The following SLC25A41 variants were observed in gnomAD, a reference collection of about 807,000 sequenced individuals.
SLC25A41 encodes mitochondrial carrier protein SCaMC-3L.
Under a neutral mutation model 34.7 loss-of-function variants are expected in SLC25A41, and 35 were observed. The ratio of observed to expected loss-of-function variants is 1.01; its 90% confidence interval spans 0.77 to 1.34. SLC25A41 has a LOEUF of 1.34. Among genes scored for constraint, SLC25A41 ranks in the 40% most tolerant of loss-of-function variants. SLC25A41 has a pLI of 0.00. For synonymous variants in SLC25A41, 190 were observed against 209.9 expected (o/e 0.91, Z 0.82); for missense variants, 492 against 489.8 (o/e 1.00, Z -0.04).
At chr19:6,429,133 TA>T in intron 4 of SLC25A41, among the ~76,000 whole-genome samples, 1 of 8,778 alleles carries the variant, frequency 1.1e-4, no homozygotes, top group African/African-American at 6.0e-4. Context: ...ATATATGTTA[TA>T]TATATATATA....
chr19:6,430,547 G>A (rs1368826988), intron 2 of SLC25A41: 7 of 387,096 alleles, frequency 1.8e-5, no homozygotes, highest in African/African-American at 2.3e-5. Flanking sequence ...GAGTGCGGTC[G>A]GGGGATCTCG....
chr19:6,431,499 A>G (rs1289324810), intron 2 of SLC25A41, among the ~76,000 whole-genome samples: 2 of 149,110 alleles, frequency 1.3e-5, no homozygotes, highest in East Asian at 2.0e-4. Flanking sequence ...GAGTGCAGTG[A>G]TGCAATCTCG....
chr19:6,433,907 A>T (rs1457905157), upstream of SLC25A41: 2 of 461,408 alleles, frequency 4.3e-6, no homozygotes, highest in Non-Finnish European at 7.6e-6. Context: ...TAAATATGTT[A>T]TCGTTATAAA....
rs202236298 is a variant in SLC25A41, at chr19:6,433,608, G to A, written c.86C>T (p.Ala29Val). 3.0e-4 allele frequency: 483 copies of A among 1,612,266 alleles called. 5 individuals carry two copies. In the African/African-American group the frequency reaches 5.3e-3, roughly 18 times the overall value. Residue 29 changes from alanine (A) to valine (V), a missense_variant, in exon 1 of 7, where the codon GCC becomes GTC. Transcript: ENST00000321510. ...FRRVKTLLIK[A>V]PPPPQPPPPP... Reference sequence around the variant, plus strand: ...AGGCGGAGGTTGGGGGGGAGGCGGGGCTTTGATGAGTAAGGTCTTGACCCT... The same window carrying A: ...AGGCGGAGGTTGGGGGGGAGGCGGGACTTTGATGAGTAAGGTCTTGACCCT...
rs753202653 is a variant in SLC25A41 at position 6,432,176 on chromosome 19, A to G, written c.236T>C (p.Val79Ala). 5.0e-6 allele frequency: 8 copies of G among 1,613,778 alleles called. No individual in the cohort carries two copies. Among genetic ancestry groups the G allele is most frequent in the Non-Finnish European group, 5.9e-6 (7 of 1,179,798 alleles). Residue 79 changes from valine (V) to alanine (A), a missense_variant, in exon 2 of 7, where the codon GTC (valine) becomes GCC (alanine). Transcript: ENST00000321510. ...ATCCACTTCCAGGACTTCCACGGGG[A>G]CCATCAGCTGCTCTCCTGTGTCCAG... The part of the protein sequence containing the change: ...QVLDTGEQLM[V>A]PVEVLEVDNK...
At chr19:6,428,513 A>G (rs1271834814) in intron 4 of SLC25A41, among the ~76,000 whole-genome samples, 1 of 147,806 alleles carries the variant, frequency 6.8e-6, no homozygotes, top group African/African-American at 2.5e-5. Flanking sequence ...TTATATATGT[A>G]TTATTATACA....
chr19:6,432,632 C>T (rs2092291058), intron 1 of SLC25A41, among the ~76,000 whole-genome samples: 1 of 150,790 alleles, frequency 6.6e-6, no homozygotes, highest in African/African-American at 2.4e-5. Context: ...ACTCTATCGC[C>T]CAAGCTGGAG....
rs190117334 is a variant in SLC25A41, at chr19:6,429,144, A to T, written c.624+580T>A. On this transcript the variant is annotated intron_variant, in intron 4 of 6. Transcript: ENST00000321510. ...TTATATATATGTTATATATATATAT[A>T]ATATATATATTATATATATAATATA... is the stretch of plus-strand genomic sequence containing the variant. 6.8e-3 allele frequency among the ~76,000 whole-genome samples: 208 copies of T among 30,696 alleles called. 52 individuals are homozygous for T. The highest frequency in any genetic ancestry group is 0.027 in the Admixed American group (33 of 1,234). The allele number at this position is 30,696 out of a possible 152,430, so 20.1% of individuals were successfully genotyped here. A position where few individuals can be genotyped will look rare whatever the true frequency, so the allele number is the denominator to read the frequency against.
rs777264531 is a variant in SLC25A41 at position 6,426,555 on chromosome 19, A to G, written c.947T>C (p.Val316Ala). ...GCGCATGGTGGGATTTGAGCCCTCCACGGTATCTGCAGGGACACAGGCAAG... is the reference window on the plus strand; with the variant it reads ...GCGCATGGTGGGATTTGAGCCCTCCGCGGTATCTGCAGGGACACAGGCAAG... Reference protein sequence around the residue: ...VRTRMQAQDTVEGSNPTMRGV... With the variant: ...VRTRMQAQDTAEGSNPTMRGV... Residue 316 changes from valine to alanine, a missense_variant, in exon 7 of 7, where the codon GTG becomes GCG. Val to Ala is a moderately conservative substitution (Grantham distance 64, BLOSUM62 0). Coordinates refer to ENST00000321510, the MANE Select transcript of SLC25A41 (RefSeq NM_173637.4). The G allele has an allele frequency of 1.3e-5, 21 of 1,612,640 alleles. No individual in the cohort carries two copies. The South Asian group carries it at 1.8e-4, about 13-fold the overall frequency.
chr19:6,433,461 G>C, intron 1 of SLC25A41, 26 bp downstream of exon 1: 2 of 1,608,724 alleles, frequency 1.2e-6, no homozygotes, highest in Non-Finnish European at 1.7e-6. Context: ...CAGAGGTGCC[G>C]GGACACTGGT....
chr19:6,428,738 G>C (rs1249699009), intron 4 of SLC25A41, among the ~76,000 whole-genome samples: 9 of 143,580 alleles, frequency 6.3e-5, no homozygotes, highest in Admixed American at 2.2e-4. Context: ...TTGAGACAGG[G>C]TCTCCCTCTA....
Position 6,427,143 on chromosome 19 carries a change from G to C in SLC25A41, c.900C>G (p.Ser300Arg), listed in dbSNP as rs2092245729. Reference protein sequence around the residue: ...TLSTTCGQMASYPLTLVRTRM... With the variant: ...TLSTTCGQMARYPLTLVRTRM... The stretch of plus-strand genomic sequence containing the variant: ...TGGTGCGCACCAGAGTCAGTGGGTA[G>C]CTGGCCATCTGGCCACAGGTCGTGG... The change falls in exon 6 of 7, where the codon AGC becomes AGG. Residue 300 changes from serine (S) to arginine (R), a missense_variant. Physicochemically the swap from Ser to Arg is moderately radical, Grantham distance 110 (BLOSUM62 -1). Transcript: ENST00000321510. This position sits in a 1 kb window ranked among gnomAD's most constrained non-coding sequence, Gnocchi z 4.9. The C allele has an allele frequency of 6.2e-7, 1 of 1,609,512 alleles. No individual in the cohort carries two copies. The highest frequency in any genetic ancestry group is 8.5e-7 in the Non-Finnish European group (1 of 1,178,476).
chr19:6,429,438 G>T (rs2092272133), intron 4 of SLC25A41, among the ~76,000 whole-genome samples: 2 of 25,856 alleles, frequency 7.7e-5, no homozygotes, highest in South Asian at 3.2e-3. Context: ...AAAGGAGGAG[G>T]GAAGGAGGAG....
At chr19:6,432,469 C>T (rs1417010670) in intron 1 of SLC25A41, among the ~76,000 whole-genome samples, 2 of 141,156 alleles carry the variant, frequency 1.4e-5, no homozygotes, top group Non-Finnish European at 3.0e-5. Flanking sequence ...CACCACAACA[C>T]CTAATTTTTT....
In SLC25A41 at chr19:6,427,650, G is replaced by T; in HGVS notation, c.625-149C>A. On this transcript the variant is annotated intron_variant, in intron 4 of 6. Transcript: ENST00000321510. The surrounding 1 kb of genome is among the most constrained non-coding windows in gnomAD (Gnocchi z 4.9). ...CAGACCCGGATCTGTCAGATTCCAT[G>T]GAATGCTCTCTGAATTTTGAGTTCT... The T allele has an allele frequency of 1.1e-6, 1 of 924,140 alleles. No homozygotes were observed. The highest frequency in any genetic ancestry group is 1.5e-6 in the Non-Finnish European group (1 of 657,038). 57.2% of individuals were successfully genotyped at this position (924,140 alleles called of 1,614,324 possible).
rs1183840085 is a variant in SLC25A41, at chr19:6,427,919, G to A, written c.625-418C>T. 2.6e-5 allele frequency among the ~76,000 whole-genome samples: 4 copies of A among 152,136 alleles called. No individual in the cohort carries two copies. The East Asian group carries it at 5.8e-4, about 22-fold the overall frequency. ...ATTAAGAATAACAGGGAAGGGAGGC[G>A]AGAAAACATGCCCTCAAGCCTCAAA... is the stretch of plus-strand genomic sequence containing the variant. On this transcript the variant is annotated intron_variant, in intron 4 of 6. Transcript: ENST00000321510. This position sits in a 1 kb window ranked among gnomAD's most constrained non-coding sequence, Gnocchi z 4.9.
rs750837665 is a variant in SLC25A41 at position 6,429,759 on chromosome 19, C to T, written c.589G>A (p.Val197Met). ...QERLLAGSLA[V>M]AISQTLINPM... ...TTGATGAGGGTCTGGGAGATGGCCA[C>T]AGCCAGGGAGCCAGCAAGGAGACGC... Residue 197 changes from valine (V) to methionine (M), a missense_variant, in exon 4 of 7, where the codon GTG (valine) becomes ATG (methionine). Val to Met is a conservative substitution (Grantham distance 21, BLOSUM62 1). Coordinates refer to ENST00000321510, the MANE Select transcript of SLC25A41 (RefSeq NM_173637.4). 1 of 1,608,592 alleles carries T rather than the reference C, an allele frequency of 6.2e-7. No individual in the cohort carries two copies. The highest frequency in any genetic ancestry group is 1.7e-5 in the Admixed American group (1 of 58,202).
intron 4 of SLC25A41, among the ~76,000 whole-genome samples, chr19:6,428,547 T>C (rs896099981): frequency 2.0e-5 from 3 of 147,748 alleles, no homozygotes; most frequent in Admixed American, 1.4e-4. Context: ...ATATATAACA[T>C]GCATAGACAT....
At position 6,433,370 on chromosome 19, in the gene SLC25A41, A is replaced by C. The variant is rs1555730724; in HGVS notation, c.207+117T>G. 3.8e-6 allele frequency: 4 copies of C among 1,055,764 alleles called. No homozygotes were observed. In the Admixed American group the frequency reaches 7.4e-5, roughly 19 times the overall value. 65.4% of individuals were successfully genotyped at this position (1,055,764 alleles called of 1,614,324 possible). ...CTGCCTCCCTGCCCCACCCTGCTTC[A>C]AGGTGGAATTCTAGGTCCGCTAGCA... On this transcript the variant is annotated intron_variant, in intron 1 of 6. Coordinates refer to ENST00000321510, the MANE Select transcript of SLC25A41 (RefSeq NM_173637.4).
Sources: allele counts gnomAD v4.1 joint callset (sites outside exome capture counted in the v4.1 genomes callset), GRCh38; gene constraint gnomAD v4.1.1; non-coding constraint Gnocchi (gnomAD v3.1); transcripts MANE v1.5; gene names NCBI Gene and HGNC (gene_info 2026-07-23, HGNC 2026-07-21).